The following NUBPL variants were observed in gnomAD, a reference collection of about 807,000 sequenced individuals.
NUBPL encodes the protein iron-sulfur cluster transfer protein NUBPL.
A neutral mutation model predicts 45.7 loss-of-function variants in NUBPL; 31 were observed. That is an observed-to-expected ratio of 0.68 (90% CI 0.51 to 0.92). The LOEUF (loss-of-function observed/expected upper bound fraction) is 0.92. Among genes scored for constraint, NUBPL ranks in the 40% least tolerant of loss-of-function variants. NUBPL has a pLI of 0.00. For synonymous variants in NUBPL, 144 were observed against 140.9 expected (o/e 1.02, Z -0.15); for missense variants, 401 against 398.7 (o/e 1.01, Z -0.05).
At chr14:31,618,371 T>G (rs2034966890) in intron 4 of NUBPL, among the ~76,000 whole-genome samples, 1 of 152,214 alleles carries the variant, frequency 6.6e-6, no homozygotes, top group South Asian at 2.1e-4. Flanking sequence ...GATGTTAGGG[T>G]GTCAATTTTA....
intron 6 of NUBPL, among the ~76,000 whole-genome samples, chr14:31,758,206 G>A (rs2038715575): frequency 6.6e-6 from 1 of 152,074 alleles, no homozygotes; most frequent in Non-Finnish European, 1.5e-5. Flanking sequence ...TAACTTTGCA[G>A]TACTTCAAAC....
At chr14:31,795,121 T>G (rs2039458525) in intron 7 of NUBPL, among the ~76,000 whole-genome samples, 1 of 150,004 alleles carries the variant, frequency 6.7e-6, no homozygotes, top group South Asian at 2.1e-4. Flanking sequence ...ACCATGCTGT[T>G]TTGGTTACTG....
intron 3 of NUBPL, among the ~76,000 whole-genome samples, chr14:31,586,343 C>T (rs11156692): frequency 0.3 from 45,318 of 151,982 alleles, 7,542 homozygotes; most frequent in South Asian, 0.41. Flanking sequence ...AAATTAATTC[C>T]AGTCGTTCAA....
At chr14:31,827,299 C>A (rs1244763223) in intron 8 of NUBPL, among the ~76,000 whole-genome samples, 1 of 145,964 alleles carries the variant, frequency 6.9e-6, no homozygotes. Context: ...TTCTAGCAGC[C>A]AAAGGAAAAG....
chr14:31,649,270 C>T (rs2035939001), intron 4 of NUBPL, among the ~76,000 whole-genome samples: 1 of 152,104 alleles, frequency 6.6e-6, no homozygotes, highest in African/African-American at 2.4e-5. Flanking sequence ...ACAAGAGTTG[C>T]TTATGTATTT....
intron 4 of NUBPL, among the ~76,000 whole-genome samples, chr14:31,607,044 T>C (rs558848806): frequency 1.1e-4 from 17 of 152,240 alleles, no homozygotes; most frequent in Admixed American, 6.5e-4. Flanking sequence ...GATGTTTCAT[T>C]GGGAAACTTG....
chr14:31,759,253 GTGTAGAAAACACTA>G (rs1486612111), intron 6 of NUBPL, among the ~76,000 whole-genome samples: 1 of 151,638 alleles, frequency 6.6e-6, no homozygotes, highest in African/African-American at 2.4e-5. Context: ...GTGGCTTGTC[GTGTAGAAAACACTA>G]TGAGATTATA....
intron 6 of NUBPL, among the ~76,000 whole-genome samples, chr14:31,735,635 C>T (rs2038148612): frequency 6.6e-6 from 1 of 151,904 alleles, no homozygotes; most frequent in African/African-American, 2.4e-5. Context: ...GGGCGAATCA[C>T]AAGGCCAGGA....
chr14:31,775,541 G>A (rs771785635), intron 6 of NUBPL, among the ~76,000 whole-genome samples: 1 of 152,214 alleles, frequency 6.6e-6, no homozygotes, highest in Non-Finnish European at 1.5e-5. Context: ...TCTCTTGGCT[G>A]ACTCAAGTCT....
intron 6 of NUBPL, among the ~76,000 whole-genome samples, chr14:31,765,165 C>A (rs901580770): frequency 3.9e-5 from 6 of 152,194 alleles, no homozygotes; most frequent in African/African-American, 1.4e-4. Flanking sequence ...CTTCTGCTTA[C>A]TTCTTAGCTT....
intron 4 of NUBPL, among the ~76,000 whole-genome samples, chr14:31,632,591 T>C (rs1160438873): frequency 6.6e-6 from 1 of 152,116 alleles, no homozygotes; most frequent in Non-Finnish European, 1.5e-5. Flanking sequence ...AGAGAAAAAA[T>C]AGTTTATAGA....
At chr14:31,596,409 G>T (rs1298131156) in intron 3 of NUBPL, among the ~76,000 whole-genome samples, 2 of 152,178 alleles carry the variant, frequency 1.3e-5, no homozygotes, top group African/African-American at 4.8e-5. Context: ...ATTGTTGAAT[G>T]ACTGAATAGC....
intron 8 of NUBPL, among the ~76,000 whole-genome samples, chr14:31,829,457 T>C (rs558626792): frequency 3.3e-5 from 5 of 152,288 alleles, no homozygotes; most frequent in African/African-American, 1.2e-4. Context: ...ATTAGCTACA[T>C]TGTAAAGAAG....
chr14:31,679,778 A>C (rs889132657), intron 6 of NUBPL, among the ~76,000 whole-genome samples: 1 of 152,148 alleles, frequency 6.6e-6, no homozygotes, highest in East Asian at 1.9e-4. Context: ...ATTTGTGCAG[A>C]AAAGCATGTT....
At chr14:31,681,981 G>A (rs1031212997) in intron 6 of NUBPL, among the ~76,000 whole-genome samples, 5 of 152,064 alleles carry the variant, frequency 3.3e-5, no homozygotes, top group Admixed American at 2.6e-4. Flanking sequence ...TATTTCATAC[G>A]CTTTTGGAAC....
intron 6 of NUBPL, among the ~76,000 whole-genome samples, chr14:31,688,208 T>TA (rs1177998464): frequency 1.3e-5 from 2 of 152,108 alleles, no homozygotes; most frequent in Non-Finnish European, 2.9e-5. Flanking sequence ...AGGTTTCCCT[T>TA]AAAAAAATAT....
chr14:31,701,993 C>G (rs1435455531), intron 6 of NUBPL, among the ~76,000 whole-genome samples: 1 of 152,150 alleles, frequency 6.6e-6, no homozygotes, highest in Non-Finnish European at 1.5e-5. Context: ...TGAGACTGCC[C>G]TTACTTTTGA....
chr14:31,650,706 C>T (rs1481061975), intron 4 of NUBPL, among the ~76,000 whole-genome samples: 13 of 152,148 alleles, frequency 8.5e-5, no homozygotes, highest in Non-Finnish European at 1.9e-4. Context: ...AAATTATTAA[C>T]ACTGTCTTAG....
At chr14:31,788,212 T>G (rs1436107253) in intron 7 of NUBPL, among the ~76,000 whole-genome samples, 1 of 152,050 alleles carries the variant, frequency 6.6e-6, no homozygotes, top group Non-Finnish European at 1.5e-5. Flanking sequence ...ACAGCAGTAG[T>G]AGCAGCAAGG....
Sources: gnomAD v4.1 joint callset for allele counts (sites outside exome capture counted in the v4.1 genomes callset) on GRCh38, gnomAD v4.1.1 for gene constraint, MANE v1.5 for transcripts, NCBI Gene and HGNC (gene_info 2026-07-23, HGNC 2026-07-21) for gene names.